The following BASP1 variants were observed in gnomAD, a reference collection of about 807,000 sequenced individuals.
BASP1 encodes brain acid soluble protein 1.
BASP1 carries 1 observed loss-of-function variant against 2.2 expected under a neutral mutation model. The ratio of observed to expected loss-of-function variants is 0.46; its 90% confidence interval spans 0.16 to 2.17. BASP1 has a LOEUF of 2.17. BASP1 is among the 30% of genes most tolerant of loss of function. The pLI, the probability that BASP1 is intolerant of heterozygous loss-of-function variation, is 0.27. For synonymous variants in BASP1, 187 were observed against 154.2 expected (o/e 1.21, Z -1.58); for missense variants, 352 against 327.2 (o/e 1.08, Z -0.58).
At chr5:17,265,677 T>C (rs1740403245) in intron 1 of BASP1, among the ~76,000 whole-genome samples, 1 of 152,246 alleles carries the variant, frequency 6.6e-6, no homozygotes, top group Non-Finnish European at 1.5e-5. Flanking sequence ...TGCTCTCCTA[T>C]ATCCAAACAA....
intron 1 of BASP1, among the ~76,000 whole-genome samples, chr5:17,267,582 G>A (rs1195958410): frequency 1.3e-5 from 2 of 151,082 alleles, no homozygotes; most frequent in Non-Finnish European, 2.9e-5. Flanking sequence ...GCGGTGGCAC[G>A]ATCTCATCCC....
chr5:17,262,023 G>A (rs1387714963), intron 1 of BASP1, among the ~76,000 whole-genome samples: 1 of 152,110 alleles, frequency 6.6e-6, no homozygotes, highest in Non-Finnish European at 1.5e-5. Context: ...CCTTTTTGTA[G>A]CAGCATATGC....
intron 1 of BASP1, among the ~76,000 whole-genome samples, chr5:17,255,553 C>T (rs747861676): frequency 2.0e-5 from 3 of 152,150 alleles, no homozygotes; most frequent in Non-Finnish European, 2.9e-5. Flanking sequence ...TCTTGCCCCA[C>T]GTTGGATGCC....
chr5:17,241,081 C>T (rs1739852823), intron 1 of BASP1, among the ~76,000 whole-genome samples: 1 of 151,518 alleles, frequency 6.6e-6, no homozygotes. Flanking sequence ...CTAAGCTTTA[C>T]ACAGATTGAC....
intron 1 of BASP1, among the ~76,000 whole-genome samples, chr5:17,249,338 A>C (rs1740055494): frequency 6.6e-6 from 1 of 152,194 alleles, no homozygotes; most frequent in Non-Finnish European, 1.5e-5. Context: ...GGATGCCTGT[A>C]GCAGCAAGTC....
chr5:17,252,689 A>T (rs1397169264), intron 1 of BASP1, among the ~76,000 whole-genome samples: 1 of 152,232 alleles, frequency 6.6e-6, no homozygotes, highest in Non-Finnish European at 1.5e-5. Flanking sequence ...CTTGTTTCCC[A>T]ATCTTAAAAA....
At chr5:17,254,081 T>C (rs901303297) in intron 1 of BASP1, among the ~76,000 whole-genome samples, 1 of 152,106 alleles carries the variant, frequency 6.6e-6, no homozygotes, top group African/African-American at 2.4e-5. Context: ...AGACTAGATC[T>C]TTAAGGGAAA....
intron 1 of BASP1, among the ~76,000 whole-genome samples, chr5:17,261,795 T>C (rs1740320151): frequency 6.6e-6 from 1 of 152,254 alleles, no homozygotes; most frequent in African/African-American, 2.4e-5. Context: ...TGCAAATCCT[T>C]GTAAACAAAT....
chr5:17,271,059 T>TA (rs1740519934), intron 1 of BASP1, among the ~76,000 whole-genome samples: 1 of 152,260 alleles, frequency 6.6e-6, no homozygotes, highest in Non-Finnish European at 1.5e-5. Context: ...ATGCCAATAT[T>TA]AATCGGTAAG....
intron 1 of BASP1, among the ~76,000 whole-genome samples, chr5:17,261,838 T>C (rs1740321077): frequency 6.6e-6 from 1 of 152,250 alleles, no homozygotes; most frequent in Non-Finnish European, 1.5e-5. Context: ...GTTTCTGCCG[T>C]TACCAACACT....
rs188324100 is a variant in BASP1, at chr5:17,233,813, T to C, written c.-10+16003T>C. Among the ~76,000 whole-genome samples, 479 of 152,016 alleles carry C rather than the reference T, an allele frequency of 3.2e-3. 3 individuals are homozygous for C. Among genetic ancestry groups the C allele is most frequent in the Non-Finnish European group, 5.1e-3 (349 of 67,954 alleles). Reference sequence around the variant, plus strand: ...TGATATGATTTGCTAGTGATGGTGATGGTGTCATTTTGGTTTCAAAACTGG... The same window carrying C: ...TGATATGATTTGCTAGTGATGGTGACGGTGTCATTTTGGTTTCAAAACTGG... On this transcript the variant is annotated intron_variant, in intron 1 of 1. Coordinates refer to ENST00000322611, the MANE Select transcript of BASP1 (RefSeq NM_006317.5).
intron 1 of BASP1, among the ~76,000 whole-genome samples, chr5:17,230,900 G>T (rs752188141): frequency 6.6e-6 from 1 of 152,064 alleles, no homozygotes. Context: ...ACTTTTAGGC[G>T]TACCCTGTCA....
chr5:17,274,918 G>T (rs1235082089), intron 1 of BASP1, among the ~76,000 whole-genome samples: 3 of 152,158 alleles, frequency 2.0e-5, no homozygotes, highest in African/African-American at 4.8e-5. Context: ...GGGCCCAGCT[G>T]TGTGGGAGGC....
intron 1 of BASP1, among the ~76,000 whole-genome samples, chr5:17,253,493 A>G (rs1740141697): frequency 6.6e-6 from 1 of 152,208 alleles, no homozygotes; most frequent in Admixed American, 6.5e-5. Context: ...GATTACAGGC[A>G]TGAGCTACCA....
intron 1 of BASP1, among the ~76,000 whole-genome samples, chr5:17,242,161 A>G (rs1003510285): frequency 6.6e-6 from 1 of 152,278 alleles, no homozygotes; most frequent in Non-Finnish European, 1.5e-5. Context: ...AGTTTTAGCA[A>G]TTACTCTCAA....
intron 1 of BASP1, among the ~76,000 whole-genome samples, chr5:17,223,616 CCA>C (rs1203165742): frequency 2.0e-5 from 3 of 152,092 alleles, no homozygotes; most frequent in African/African-American, 7.2e-5. Flanking sequence ...AACCCAGCCT[CCA>C]TACTGAATTT....
At chr5:17,254,148 G>A (rs1374000799) in intron 1 of BASP1, among the ~76,000 whole-genome samples, 1 of 152,006 alleles carries the variant, frequency 6.6e-6, no homozygotes, top group South Asian at 2.1e-4. Context: ...GCATCTTGAA[G>A]GTAAATTAGT....
At chr5:17,217,544 CG>C (rs1430084300), upstream of BASP1, 12 of 49,438 alleles carry the variant, frequency 2.4e-4, no homozygotes, top group South Asian at 5.7e-3. Flanking sequence ...GCTGGGCGGG[CG>C]GACGCGCGGG....
At position 17,237,358 on chromosome 5, in the gene BASP1, C is replaced by CA. The variant is rs1189796087; in HGVS notation, c.-10+19556dup. Among the ~76,000 whole-genome samples the CA allele has an allele frequency of 1.6e-3, 238 of 151,428 alleles. 1 individual carries two copies. The highest frequency in any genetic ancestry group is 6.8e-3 in the Middle Eastern group (2 of 292). ...GACTCCGTCTCAAAACAAAACAAAACAAAAAAAAGAAAGAAAGGTGATAAG... is the reference window on the plus strand; with the variant it reads ...GACTCCGTCTCAAAACAAAACAAAACAAAAAAAAAGAAAGAAAGGTGATAAG... On this transcript the variant is annotated intron_variant, in intron 1 of 1. Transcript: ENST00000322611.
Sources: gnomAD v4.1 joint callset for allele counts (sites outside exome capture counted in the v4.1 genomes callset) on GRCh38, gnomAD v4.1.1 for gene constraint, MANE v1.5 for transcripts, NCBI Gene and HGNC (gene_info 2026-07-23, HGNC 2026-07-21) for gene names.